Variants in CGREF1 observed in about 807,000 individuals in gnomAD.
CGREF1 encodes cell growth regulator with EF-hand domain 1.
CGREF1 carries 16 observed loss-of-function variants against 17.4 expected under a neutral mutation model. The ratio of observed to expected loss-of-function variants is 0.92; its 90% CI spans 0.62 to 1.40. The LOEUF (loss-of-function observed/expected upper bound fraction) is 1.40. CGREF1 is among the 40% of genes most tolerant of loss of function. The probability of loss-of-function intolerance (pLI) is 0.00; values close to 1 mark genes in which losing one functional copy is unlikely to be tolerated. For synonymous variants in CGREF1, 142 were observed against 154.6 expected, an observed-to-expected ratio of 0.92 and a Z score of 0.61; for missense variants, 296 against 376.4, an observed-to-expected ratio of 0.79 and a Z score of 1.77.
rs745474615 is a variant in CGREF1 at position 27,102,108 on chromosome 2, TAGG to T, written c.328_330del (p.Pro110del). On this transcript the variant is annotated inframe_deletion, in exon 5 of 6. Transcript: ENST00000402394. ...CCAGCAGAGCTTACCGGGTTGGTGG[TAGG>T]AGAGTTGGCAGCTCCAGGGGCCAGA... The T allele has an allele frequency of 2.6e-5, 41 of 1,606,338 alleles. No individual in the cohort carries two copies. In the East Asian group the frequency reaches 9.0e-4, roughly 35 times the overall value.
chr2:27,104,980 T>C (rs1197285821), intron 1 of CGREF1, among the ~76,000 whole-genome samples: 1 of 152,172 alleles, frequency 6.6e-6, no homozygotes, highest in Non-Finnish European at 1.5e-5. Flanking sequence ...TGCTATTTGC[T>C]AAATGCAGTT....
At chr2:27,111,644 G>A (rs1034137524) in intron 1 of CGREF1, among the ~76,000 whole-genome samples, 14 of 152,184 alleles carry the variant, frequency 9.2e-5, no homozygotes, top group Admixed American at 9.2e-4. Flanking sequence ...TGCAGGTCTC[G>A]AGCCCTGCCC....
chr2:27,117,791 C>T (rs1382754199), intron 1 of CGREF1, among the ~76,000 whole-genome samples: 1 of 149,984 alleles, frequency 6.7e-6, no homozygotes, highest in African/African-American at 2.5e-5. Flanking sequence ...TCACAGCAAG[C>T]TCCGCCTCCC....
At chr2:27,099,358 C>T (rs1329475216), downstream of CGREF1, 1 of 1,612,300 alleles carries the variant, frequency 6.2e-7, no homozygotes, top group Admixed American at 1.7e-5. Flanking sequence ...CGCCCTGGAG[C>T]TGGGAGGATG....
At chr2:27,104,640 C>T (rs1476213605) in intron 1 of CGREF1, 5 of 1,550,630 alleles carry the variant, frequency 3.2e-6, no homozygotes, top group Non-Finnish European at 4.4e-6. Context: ...GGCGCATCCC[C>T]ACCCCACGCC....
chr2:27,113,797 G>T lies in CGREF1; in HGVS notation c.-12+5049C>A, dbSNP rs186638021. Among the ~76,000 whole-genome samples, 24 of 152,136 alleles carry T rather than the reference G, an allele frequency of 1.6e-4. No homozygotes were observed. The East Asian group carries it at 3.3e-3, about 21-fold the overall frequency. ...TACAATAAGGCCTTTTTCCTTCCAA[G>T]AGTTCATCTGCACGGCCCCACAGTG... On this transcript the variant is annotated intron_variant, in intron 1 of 5. Coordinates refer to ENST00000402394, the MANE Select transcript of CGREF1 (RefSeq NM_006569.6).
chr2:27,099,580 G>A (rs767615753), downstream of CGREF1: 34 of 1,614,028 alleles, frequency 2.1e-5, no homozygotes, highest in East Asian at 4.9e-4. Flanking sequence ...CTCCCAGGGT[G>A]AGTATGGCAG....
In CGREF1 at chr2:27,107,636, T is replaced by TAAC. The variant is rs1201398328; in HGVS notation, c.-11-3260_-11-3259insGTT. The stretch of plus-strand genomic sequence containing the variant: ...TTTTCCGGCCAGCAACAGTATGTTT[T>TAAC]AAAAAAAAAAAAAAGAGGCCGGGTG... On this transcript the variant is annotated intron_variant, in intron 1 of 5. Transcript: ENST00000402394. Among the ~76,000 whole-genome samples the TAAC allele has an allele frequency of 7.2e-5, 10 of 138,232 alleles. No individual in the cohort carries two copies. The East Asian group carries it at 1.9e-3, about 27-fold the overall frequency. The allele number at this position is 138,232 out of a possible 152,430, so 90.7% of individuals were successfully genotyped here.
At position 27,104,752 on chromosome 2, in the gene CGREF1, G is replaced by A. The variant is rs544281280; in HGVS notation, c.-11-375C>T. 151 of 1,495,660 alleles carry A rather than the reference G, an allele frequency of 1.0e-4. 1 individual carries two copies. In the Middle Eastern group the frequency reaches 2.1e-3, roughly 21 times the overall value. The allele number at this position is 1,495,660 out of a possible 1,614,324, so 92.6% of individuals were successfully genotyped here. On this transcript the variant is annotated intron_variant, in intron 1 of 5. Transcript: ENST00000402394. ...ATTCATCTTACAGATGGAAAGGAGC[G>A]CAGAAAGTTTAAGAAAAAGGCCAGG...
At chr2:27,109,655 G>A (rs577467832) in intron 1 of CGREF1, among the ~76,000 whole-genome samples, 1 of 152,138 alleles carries the variant, frequency 6.6e-6, no homozygotes, top group Non-Finnish European at 1.5e-5. Context: ...GGAGGCCGAG[G>A]TGGGCGGATC....
intron 2 of CGREF1, among the ~76,000 whole-genome samples, chr2:27,103,682 G>A (rs1008840894): frequency 3.3e-5 from 5 of 150,080 alleles, no homozygotes; most frequent in African/African-American, 1.2e-4. Flanking sequence ...CCCACCTCAA[G>A]GTCTTGATAA....
downstream of CGREF1, chr2:27,099,780 G>A (rs1170924422): frequency 2.5e-6 from 4 of 1,610,868 alleles, no homozygotes; most frequent in Non-Finnish European, 3.4e-6. Flanking sequence ...ACACACCATG[G>A]AGACTACCAT....
At chr2:27,110,933 A>C (rs1000710756) in intron 1 of CGREF1, 1 of 152,392 alleles carries the variant, frequency 6.6e-6, no homozygotes, top group African/African-American at 2.4e-5. Flanking sequence ...CGTTTCTCCC[A>C]GTGGGTTCGT....
chr2:27,101,109 C>T lies in CGREF1; in HGVS notation c.*165G>A, dbSNP rs1288866647. On this transcript the variant is annotated 3_prime_UTR_variant, in exon 6 of 6. Transcript: ENST00000402394. ...CATTCAGTTCTTTATTGGTAATCTG[C>T]CCCTTAACTTAGGGTCTCCCTGAGC... 1.4e-6 allele frequency: 2 copies of T among 1,386,502 alleles called. No homozygotes were observed. The highest frequency in any genetic ancestry group is 1.9e-6 in the Non-Finnish European group (2 of 1,077,270). 85.9% of individuals were successfully genotyped at this position (1,386,502 alleles called of 1,614,324 possible).
At chr2:27,099,421 G>T (rs761385266), downstream of CGREF1, 1 of 1,613,858 alleles carries the variant, frequency 6.2e-7, no homozygotes. Flanking sequence ...GTCTTGCAGG[G>T]CTGTGCTTGT....
rs563193630 is a variant in CGREF1 at position 27,118,257 on chromosome 2, G to T, written c.-12+589C>A. Among the ~76,000 whole-genome samples the T allele has an allele frequency of 5.9e-5, 9 of 152,222 alleles. No homozygotes were observed. The South Asian group carries it at 1.9e-3, about 32-fold the overall frequency. The stretch of plus-strand genomic sequence containing the variant: ...CTCTGCTTGAATCATTCCAGGACAG[G>T]AACCTAGCACCTCACAGGCCGGCAG... On this transcript the variant is annotated intron_variant, in intron 1 of 5. Coordinates refer to ENST00000402394, the MANE Select transcript of CGREF1 (RefSeq NM_006569.6).
At position 27,107,896 on chromosome 2, in the gene CGREF1, T is replaced by C. The variant is rs570689374; in HGVS notation, c.-11-3519A>G. Reference sequence around the variant, plus strand: ...TTGCAGTGAGCTGAGATCATGCCACTGCACTCCAGCCTGGGCCACAGAGCG... The same window carrying C: ...TTGCAGTGAGCTGAGATCATGCCACCGCACTCCAGCCTGGGCCACAGAGCG... On this transcript the variant is annotated intron_variant, in intron 1 of 5. Transcript: ENST00000402394. 4.7e-5 allele frequency among the ~76,000 whole-genome samples: 6 copies of C among 127,612 alleles called. No individual in the cohort carries two copies. The South Asian group carries it at 1.2e-3, about 26-fold the overall frequency. 83.7% of individuals were successfully genotyped at this position (127,612 alleles called of 152,430 possible). A position where few individuals can be genotyped will look rare whatever the true frequency, so the allele number is the denominator to read the frequency against.
intron 1 of CGREF1, among the ~76,000 whole-genome samples, chr2:27,111,469 G>A (rs1390612893): frequency 6.6e-6 from 1 of 152,226 alleles, no homozygotes; most frequent in Non-Finnish European, 1.5e-5. Flanking sequence ...ATCCTGCACC[G>A]GGGCCGCAGG....
At chr2:27,102,659 G>A in intron 2 of CGREF1, 68 bp from the exon 3 acceptor site, 1 of 1,494,300 alleles carries the variant, frequency 6.7e-7, no homozygotes, top group Non-Finnish European at 9.1e-7. Context: ...CCAACCTTCT[G>A]CCTCCAATCT....
Sources: allele counts gnomAD v4.1 joint callset (sites outside exome capture counted in the v4.1 genomes callset), GRCh38; gene constraint gnomAD v4.1.1; transcripts MANE v1.5; gene names NCBI Gene and HGNC (gene_info 2026-07-23, HGNC 2026-07-21).